RNF216: variants seen among roughly 807,000 people sequenced by gnomAD.
RNF216 encodes the protein ring finger protein 216.
Under a neutral mutation model 110.8 loss-of-function variants are expected in RNF216, and 72 were observed. The ratio of observed to expected loss-of-function variants is 0.65; its 90% confidence interval spans 0.54 to 0.79. The LOEUF (loss-of-function observed/expected upper bound fraction) is 0.79, where lower values mean the gene tolerates loss of function less well. Ranked by LOEUF, RNF216 falls within the 30% of genes least tolerant of loss-of-function variation. The pLI is 0.00. For missense variants in RNF216, 1,342 were observed against 1,141.2 expected (o/e 1.18, Z -2.54); for synonymous variants, 495 against 407.5 (o/e 1.21, Z -2.59).
In RNF216 at chr7:5,624,175, G is replaced by A. The variant is rs370743255; in HGVS notation, c.2383-50C>T. 2.6e-5 allele frequency: 39 copies of A among 1,522,366 alleles called. No homozygotes were observed. The highest frequency in any genetic ancestry group is 3.1e-5 in the Non-Finnish European group (34 of 1,105,302). The allele number at this position is 1,522,366 out of a possible 1,614,324, so 94.3% of individuals were successfully genotyped here. A position where few individuals can be genotyped will look rare whatever the true frequency, so the allele number is the denominator to read the frequency against. On this transcript the variant is annotated intron_variant, in intron 15 of 16. Transcript: ENST00000389902. This position sits in a 1 kb window ranked among gnomAD's most constrained non-coding sequence, Gnocchi z 4.4. ...TGAACCTGTAGCTTCATGCAGTGCT[G>A]AGGCCCCGTGGGACAGTGAGGAGGC...
intron 13 of RNF216, among the ~76,000 whole-genome samples, chr7:5,659,850 C>T (rs1452316615): frequency 6.6e-6 from 1 of 152,098 alleles, no homozygotes; most frequent in Non-Finnish European, 1.5e-5. Context: ...TAGCAGCACA[C>T]CTGTACTTTT....
At position 5,660,490 on chromosome 7, in the gene RNF216, C is replaced by T. The variant is rs577639564; in HGVS notation, c.2062-7980G>A. ...TATTTTTAGTAGAGACAGGGTTTCACCATGTCGGCCAGGATGGTCTCCATC... is the reference window on the plus strand; with the variant it reads ...TATTTTTAGTAGAGACAGGGTTTCATCATGTCGGCCAGGATGGTCTCCATC... On this transcript the variant is annotated intron_variant, in intron 13 of 16. Coordinates refer to ENST00000389902, the MANE Select transcript of RNF216 (RefSeq NM_207111.4). Among the ~76,000 whole-genome samples, 14 of 151,612 alleles carry T rather than the reference C, an allele frequency of 9.2e-5. No individual in the cohort carries two copies. The South Asian group carries it at 1.3e-3, about 14-fold the overall frequency.
Position 5,622,851 on chromosome 7 carries a change from T to G in RNF216, c.*9A>C, listed in dbSNP as rs757505119. The G allele has an allele frequency of 6.3e-7, 1 of 1,589,036 alleles. No homozygotes were observed. The highest frequency in any genetic ancestry group is 1.1e-5 in the South Asian group (1 of 88,170). On this transcript the variant is annotated 3_prime_UTR_variant, in exon 17 of 17. Transcript: ENST00000389902. The stretch of plus-strand genomic sequence containing the variant: ...GGGCTTTGTGCTGCTCAATGGGGAT[T>G]CGGGGCCATCAGAAGCGATGCCGCG...
intron 13 of RNF216, among the ~76,000 whole-genome samples, chr7:5,678,407 G>A (rs1790440181): frequency 6.6e-6 from 1 of 152,158 alleles, no homozygotes; most frequent in Non-Finnish European, 1.5e-5. Flanking sequence ...CATCGCCAAG[G>A]ACTGACCTAC....
At chr7:5,774,079 A>T (rs967247162) in intron 1 of RNF216, among the ~76,000 whole-genome samples, 1 of 152,178 alleles carries the variant, frequency 6.6e-6, no homozygotes, top group Non-Finnish European at 1.5e-5. Flanking sequence ...TGATGATGGA[A>T]TTTCTACTCT....
At chr7:5,756,173 C>T (rs1331082408) in intron 2 of RNF216, among the ~76,000 whole-genome samples, 1 of 152,170 alleles carries the variant, frequency 6.6e-6, no homozygotes, top group Non-Finnish European at 1.5e-5. Context: ...CCTGCTTGCA[C>T]TCACTCCATC....
At chr7:5,683,654 G>A (rs139553204) in intron 13 of RNF216, among the ~76,000 whole-genome samples, 8 of 152,192 alleles carry the variant, frequency 5.3e-5, no homozygotes, top group African/African-American at 1.7e-4. Flanking sequence ...TGGAGCCTCA[G>A]TGTCCTCATC....
intron 16 of RNF216, 64 bp downstream of exon 16, chr7:5,623,992 G>A (rs1451898021): frequency 2.8e-5 from 40 of 1,419,718 alleles, no homozygotes; most frequent in Non-Finnish European, 3.0e-6. Flanking sequence ...ACTCAGGGAG[G>A]CCAGCAGAAG....
At chr7:5,765,021 T>C (rs1796128637) in intron 1 of RNF216, among the ~76,000 whole-genome samples, 1 of 146,182 alleles carries the variant, frequency 6.8e-6, no homozygotes, top group South Asian at 2.1e-4. Context: ...CAGTAAGCTA[T>C]GACCAACCCA....
At chr7:5,658,939 T>C (rs1039747318) in intron 13 of RNF216, among the ~76,000 whole-genome samples, 39 of 152,240 alleles carry the variant, frequency 2.6e-4, no homozygotes, top group Non-Finnish European at 5.9e-5. Flanking sequence ...GTGTCGGAGT[T>C]ATGTTTCAGA....
At chr7:5,685,944 C>T (rs772607790) in intron 13 of RNF216, among the ~76,000 whole-genome samples, 3 of 152,074 alleles carry the variant, frequency 2.0e-5, no homozygotes, top group Admixed American at 2.0e-4. Flanking sequence ...AAATTCCGGC[C>T]GGGCGCGGTG....
intron 15 of RNF216, among the ~76,000 whole-genome samples, chr7:5,637,054 A>G (rs1405709970): frequency 6.6e-6 from 1 of 152,196 alleles, no homozygotes; most frequent in African/African-American, 2.4e-5. Flanking sequence ...TCTAGAGATG[A>G]AATACTGCCT....
At chr7:5,748,236 C>T (rs1227825722) in intron 3 of RNF216, among the ~76,000 whole-genome samples, 2 of 152,202 alleles carry the variant, frequency 1.3e-5, no homozygotes, top group East Asian at 1.9e-4. Flanking sequence ...AGGCTGCACA[C>T]AAACTGTCTT....
chr7:5,635,109 C>CTA (rs1326305255), intron 15 of RNF216, among the ~76,000 whole-genome samples: 1 of 152,152 alleles, frequency 6.6e-6, no homozygotes, highest in African/African-American at 2.4e-5. Flanking sequence ...GGCTAGTGAC[C>CTA]TACACATCAT....
intron 13 of RNF216, among the ~76,000 whole-genome samples, chr7:5,656,459 G>A (rs912898684): frequency 9.9e-5 from 15 of 152,240 alleles, no homozygotes; most frequent in South Asian, 2.1e-4. Flanking sequence ...GCCATCGCGC[G>A]GGACCACACT....
chr7:5,723,043 A>G (rs888053672), intron 8 of RNF216, among the ~76,000 whole-genome samples: 25 of 152,202 alleles, frequency 1.6e-4, no homozygotes, highest in African/African-American at 5.5e-4. Context: ...CCAGATTCCC[A>G]GCTGGGCTAC....
rs1222353113 is a variant in RNF216 at position 5,624,106 on chromosome 7, A to G, written c.2402T>C (p.Ile801Thr). The change falls in exon 16 of 17, where the codon ATT (isoleucine) becomes ACT (threonine). Residue 801 changes from isoleucine to threonine, a missense_variant. Ile to Thr is a moderately conservative substitution (Grantham distance 89, BLOSUM62 -1). Coordinates refer to ENST00000389902, the MANE Select transcript of RNF216 (RefSeq NM_207111.4). This position sits in a 1 kb window ranked among gnomAD's most constrained non-coding sequence, Gnocchi z 4.4. The part of the protein sequence containing the change: ...TDPTEDDEKL[I>T]EEIQKEAEEE... ...TTCAGCCTCCTTCTGGATTTCCTCA[A>G]TAAGCTTCTCATCATCTTCCTAAAA... 4 of 1,613,604 alleles carry G rather than the reference A, an allele frequency of 2.5e-6. No individual in the cohort carries two copies. Among genetic ancestry groups the G allele is most frequent in the Admixed American group, 1.7e-5 (1 of 60,020 alleles).
intron 13 of RNF216, among the ~76,000 whole-genome samples, chr7:5,697,360 A>G (rs1744349003): frequency 6.6e-6 from 1 of 152,180 alleles, no homozygotes; most frequent in African/African-American, 2.4e-5. Flanking sequence ...AATGCTCAAT[A>G]CATATCTGCT....
intron 15 of RNF216, among the ~76,000 whole-genome samples, chr7:5,634,249 C>T (rs80256450): frequency 0.015 from 2,255 of 152,266 alleles, 49 homozygotes; most frequent in African/African-American, 0.051. Flanking sequence ...ACTTTTCCTC[C>T]CCTTAGAAAG....
Sources: allele counts gnomAD v4.1 joint callset (sites outside exome capture counted in the v4.1 genomes callset), GRCh38; gene constraint gnomAD v4.1.1; non-coding constraint Gnocchi (gnomAD v3.1); transcripts MANE v1.5; gene names NCBI Gene and HGNC (gene_info 2026-07-23, HGNC 2026-07-21).